The following GPHN variants were observed in gnomAD, a reference collection of about 807,000 sequenced individuals.
The protein encoded by GPHN is gephyrin.
A neutral mutation model predicts 95.5 loss-of-function variants in GPHN; 17 were observed. That is an observed-to-expected ratio of 0.18 (90% CI 0.12 to 0.27). The LOEUF is 0.27. GPHN is among the 10% of genes least tolerant of loss of function. The pLI, the probability that GPHN is intolerant of heterozygous loss-of-function variation, is 1.00. For synonymous variants in GPHN, 320 were observed against 322.5 expected (o/e 0.99, Z 0.08); for missense variants, 660 against 978.1 (o/e 0.67, Z 4.34).
At chr14:66,743,689 C>T (rs370651668) in intron 2 of GPHN, among the ~76,000 whole-genome samples, 36 of 152,276 alleles carry the variant, frequency 2.4e-4, no homozygotes, top group African/African-American at 7.2e-4. Context: ...TTGCAGTGAG[C>T]GGAGATCGCG....
chr14:67,176,003 A>G (rs1238472668), intron 21 of GPHN, among the ~76,000 whole-genome samples: 1 of 152,166 alleles, frequency 6.6e-6, no homozygotes, highest in East Asian at 1.9e-4. Flanking sequence ...TTCTAAATAT[A>G]CAATCATGTC....
intron 17 of GPHN, among the ~76,000 whole-genome samples, chr14:67,123,902 T>C (rs1046768679): frequency 1.5e-4 from 23 of 152,266 alleles, no homozygotes; most frequent in African/African-American, 4.3e-4. Context: ...AGCCAAAAGA[T>C]TGAACACCCC....
chr14:66,721,435 AC>A (rs2070727910), intron 2 of GPHN, among the ~76,000 whole-genome samples: 1 of 152,282 alleles, frequency 6.6e-6, no homozygotes, highest in South Asian at 2.1e-4. Flanking sequence ...ACTTTATATA[AC>A]TCCTGAAACA....
At chr14:66,857,239 A>G (rs904668487) in intron 4 of GPHN, among the ~76,000 whole-genome samples, 4 of 152,210 alleles carry the variant, frequency 2.6e-5, no homozygotes, top group African/African-American at 9.6e-5. Flanking sequence ...CAGAGCCCCA[A>G]AAGGAAAAAA....
At chr14:67,340,774 C>A in the GPHN span, among the ~76,000 whole-genome samples, 82 of 152,268 alleles carry the variant, frequency 5.4e-4, no homozygotes, top group African/African-American at 1.9e-3. Flanking sequence ...AACCTCCCTG[C>A]CTGATTCTCC....
At chr14:67,574,409 G>C in the GPHN span, 3 of 1,529,082 alleles carry the variant, frequency 2.0e-6, no homozygotes, top group East Asian at 4.7e-5. The surrounding 1 kb of genome is among the most constrained non-coding windows in gnomAD (Gnocchi z 4.2). Flanking sequence ...CCAAGGTAGA[G>C]GGTGGGGCTG....
the GPHN span, chr14:67,722,593 T>C: frequency 6.6e-7 from 1 of 1,523,564 alleles, no homozygotes; most frequent in East Asian, 2.3e-5. Context: ...AGAGCTGGGG[T>C]TGAAGCTGGA....
At chr14:67,116,385 AAAC>A (rs1288073770) in intron 16 of GPHN, among the ~76,000 whole-genome samples, 1 of 152,038 alleles carries the variant, frequency 6.6e-6, no homozygotes. Context: ...AAAAGAAAAG[AAAC>A]AAGGAAAGGA....
chr14:67,578,633 T>G, the GPHN span: 1 of 1,585,582 alleles, frequency 6.3e-7, no homozygotes, highest in Non-Finnish European at 8.6e-7. The surrounding 1 kb of genome is among the most constrained non-coding windows in gnomAD (Gnocchi z 5.0). Context: ...AGATCCCAGG[T>G]GAGTGAACCT....
chr14:67,395,467 C>A, the GPHN span: 1 of 1,614,030 alleles, frequency 6.2e-7, no homozygotes, highest in East Asian at 2.2e-5. Context: ...GGACCTTCCC[C>A]GGCTGCCCTG....
chr14:67,164,525 G>A (rs533205289), intron 19 of GPHN, among the ~76,000 whole-genome samples: 60 of 151,776 alleles, frequency 4.0e-4, no homozygotes, highest in Non-Finnish European at 7.2e-4. Context: ...ATGGAGTCTT[G>A]CTCTGTCGCC....
At chr14:67,415,098 T>C in the GPHN span, among the ~76,000 whole-genome samples, 2 of 152,238 alleles carry the variant, frequency 1.3e-5, no homozygotes, top group Admixed American at 6.5e-5. Flanking sequence ...AAAAAATCCT[T>C]CTACATTTTT....
In GPHN at chr14:66,766,210, A is replaced by G. The variant is rs568648291; in HGVS notation, c.144-10254A>G. Among the ~76,000 whole-genome samples, 48 of 152,298 alleles carry G rather than the reference A, an allele frequency of 3.2e-4. No homozygotes were observed. In the South Asian group the frequency reaches 8.3e-3, roughly 26 times the overall value. On this transcript the variant is annotated intron_variant, in intron 2 of 22. Transcript: ENST00000478722. ...TAGCCAGCTCTTAAGATGCATATGTATATGTACAAGTTGAAATTCCAGGAA... is the reference window on the plus strand; with the variant it reads ...TAGCCAGCTCTTAAGATGCATATGTGTATGTACAAGTTGAAATTCCAGGAA...
chr14:67,228,762 T>C, the GPHN span, among the ~76,000 whole-genome samples: 1 of 152,210 alleles, frequency 6.6e-6, no homozygotes, highest in African/African-American at 2.4e-5. Context: ...AGTCCAACAC[T>C]GTTTTGTTTC....
At chr14:67,625,848 C>A in the GPHN span, among the ~76,000 whole-genome samples, 1 of 151,800 alleles carries the variant, frequency 6.6e-6, no homozygotes, top group Admixed American at 6.6e-5. Context: ...AAAATAACAA[C>A]CGTAAAAAGA....
At chr14:67,455,008 G>T in the GPHN span, among the ~76,000 whole-genome samples, 6 of 152,106 alleles carry the variant, frequency 3.9e-5, no homozygotes, top group African/African-American at 1.4e-4. Context: ...CACCACTATG[G>T]CTGGCTAATT....
At chr14:67,373,204 TG>T in the GPHN span, among the ~76,000 whole-genome samples, 1 of 152,230 alleles carries the variant, frequency 6.6e-6, no homozygotes, top group Non-Finnish European at 1.5e-5. Flanking sequence ...GAGAAACTTG[TG>T]TCCAGTTTTT....
chr14:67,502,246 A>T, the GPHN span, among the ~76,000 whole-genome samples: 1 of 151,652 alleles, frequency 6.6e-6, no homozygotes, highest in East Asian at 2.0e-4. Flanking sequence ...CAGGAGAATC[A>T]CTTGAACCTG....
At chr14:67,126,279 G>C (rs1189607969) in intron 17 of GPHN, among the ~76,000 whole-genome samples, 2 of 152,120 alleles carry the variant, frequency 1.3e-5, no homozygotes, top group Non-Finnish European at 2.9e-5. Flanking sequence ...ACTAGTTAGT[G>C]GCAGAGATAA....
Sources: allele counts gnomAD v4.1 joint callset (sites outside exome capture counted in the v4.1 genomes callset), GRCh38; gene constraint gnomAD v4.1.1; non-coding constraint Gnocchi (gnomAD v3.1); transcripts MANE v1.5; gene names NCBI Gene and HGNC (gene_info 2026-07-23, HGNC 2026-07-21).